SLFN12L: variants seen among roughly 807,000 people sequenced by gnomAD.
SLFN12L encodes schlafen family member 12 like.
A neutral mutation model predicts 34.8 loss-of-function variants in SLFN12L; 34 were observed. That is an observed-to-expected ratio of 0.98 (90% confidence interval 0.74 to 1.30). The LOEUF is 1.30. Ranked by LOEUF, SLFN12L falls within the 50% of genes most tolerant of loss-of-function variation. The pLI, the probability that SLFN12L is intolerant of heterozygous loss-of-function variation, is 0.00. For missense variants in SLFN12L, 703 were observed against 696.2 expected (o/e 1.01, Z -0.11); for synonymous variants, 259 against 247.5 (o/e 1.05, Z -0.44).
At chr17:35,495,265 C>G (rs1345221805) in intron 2 of SLFN12L, among the ~76,000 whole-genome samples, 1 of 152,066 alleles carries the variant, frequency 6.6e-6, no homozygotes, top group Non-Finnish European at 1.5e-5. Flanking sequence ...TGTTTGGTGT[C>G]CCCTTCAATT....
intron 2 of SLFN12L, among the ~76,000 whole-genome samples, chr17:35,503,931 C>A (rs1412228170): frequency 6.6e-6 from 1 of 152,068 alleles, no homozygotes; most frequent in African/African-American, 2.4e-5. Context: ...AAGAAAGCAC[C>A]ACCCCCTCCA....
chr17:35,487,473 C>A (rs922076987), intron 2 of SLFN12L, among the ~76,000 whole-genome samples: 3 of 151,990 alleles, frequency 2.0e-5, no homozygotes, highest in African/African-American at 4.8e-5. Flanking sequence ...CACGGACCAC[C>A]CCCCCCGGAC....
chr17:35,487,841 C>T (rs996716804), intron 2 of SLFN12L: 10 of 1,308,690 alleles, frequency 7.6e-6, no homozygotes, highest in Non-Finnish European at 8.5e-6. Context: ...GCATTTCTAT[C>T]GGGCACTCGA....
chr17:35,523,600 A>C (rs1256872184), intron 1 of SLFN12L, among the ~76,000 whole-genome samples: 2 of 152,198 alleles, frequency 1.3e-5, no homozygotes, highest in African/African-American at 4.8e-5. Flanking sequence ...CAAACAAGGA[A>C]CAATTACGTG....
At chr17:35,488,715 C>A (rs1914709225) in intron 2 of SLFN12L, among the ~76,000 whole-genome samples, 1 of 152,166 alleles carries the variant, frequency 6.6e-6, no homozygotes, top group South Asian at 2.1e-4. Context: ...TTGGAAGTCC[C>A]ATCTAGAATC....
At chr17:35,518,987 GCACGTACA>G in intron 2 of SLFN12L, among the ~76,000 whole-genome samples, 1 of 152,234 alleles carries the variant, frequency 6.6e-6, no homozygotes, top group South Asian at 2.1e-4. Context: ...AGAAAATGTG[GCACGTACA>G]CACTATGCAG....
chr17:35,525,074 G>A (rs954885109), intron 1 of SLFN12L, among the ~76,000 whole-genome samples: 1 of 151,874 alleles, frequency 6.6e-6, no homozygotes, highest in Non-Finnish European at 1.5e-5. Context: ...ACAAGTATCA[G>A]TAGCCAAATT....
intron 2 of SLFN12L, chr17:35,490,083 C>G: frequency 6.2e-7 from 1 of 1,607,010 alleles, no homozygotes; most frequent in South Asian, 1.1e-5. Context: ...GCCACCGGCC[C>G]CCTCCTCCCC....
rs1914187598 is a variant in SLFN12L at position 35,479,375 on chromosome 17, C to A, written c.907G>T (p.Glu303Ter). The A allele has an allele frequency of 6.2e-7, 1 of 1,602,480 alleles. No individual in the cohort carries two copies. The highest frequency in any genetic ancestry group is 1.3e-5 in the African/African-American group (1 of 74,596). The change falls in exon 3 of 5, where the codon GAA becomes TAA. Residue 303 changes from glutamate (E) to a stop codon, truncating the protein, a stop_gained. Transcript: ENST00000628453. LOFTEE classifies it high-confidence loss of function. ...KAEKSYLTKL[E>*]EVTKNSIGKL... ...CCAATGGAATTTTTTGTTACTTCTT[C>A]TAACTTAGTAAGATAACTCTTCTCT...
chr17:35,529,010 A>C lies in SLFN12L; in HGVS notation c.-605-6041T>G, dbSNP rs2072365059. Among the ~76,000 whole-genome samples, 3 of 152,192 alleles carry C rather than the reference A, an allele frequency of 2.0e-5. No individual in the cohort carries two copies. The South Asian group carries it at 6.2e-4, about 31-fold the overall frequency. On this transcript the variant is annotated intron_variant, in intron 1 of 4. Coordinates refer to ENST00000628453, the MANE Select transcript of SLFN12L (RefSeq NM_001363830.2). Reference sequence around the variant, plus strand: ...ACAAATTCACAAGAAAAAAACAAACAACCCCATCAAAAAGTGGGCAAAGGA... The same window carrying C: ...ACAAATTCACAAGAAAAAAACAAACCACCCCATCAAAAAGTGGGCAAAGGA...
Position 35,469,792 on chromosome 17 carries a change from A to G in SLFN12L, c.*5131T>C, listed in dbSNP as rs1913776062. 1.3e-5 allele frequency among the ~76,000 whole-genome samples: 2 copies of G among 152,144 alleles called. No homozygotes were observed. Among genetic ancestry groups the G allele is most frequent in the Admixed American group, 6.6e-5 (1 of 15,266 alleles). On this transcript the variant is annotated 3_prime_UTR_variant, in exon 5 of 5. Coordinates refer to ENST00000628453, the MANE Select transcript of SLFN12L (RefSeq NM_001363830.2). ...AGCCAATATTTTCCCTACCCTACAT[A>G]AACCCAGGGCCATGTAACAGACAAC...
chr17:35,499,302 T>G, intron 2 of SLFN12L: 1 of 658,192 alleles, frequency 1.5e-6, no homozygotes, highest in South Asian at 1.9e-5. Flanking sequence ...AAAGCCAGAC[T>G]AATGCCATGT....
intron 2 of SLFN12L, among the ~76,000 whole-genome samples, chr17:35,508,071 C>A (rs1232810485): frequency 6.6e-6 from 1 of 152,208 alleles, no homozygotes; most frequent in East Asian, 1.9e-4. Context: ...GTTACGTTAT[C>A]TATAGATTCC....
chr17:35,508,259 A>G (rs1156482973), intron 2 of SLFN12L, among the ~76,000 whole-genome samples: 2 of 152,134 alleles, frequency 1.3e-5, no homozygotes, highest in Non-Finnish European at 2.9e-5. Context: ...TCACTCGGGG[A>G]GCTCAGTTTT....
At chr17:35,520,334 T>C (rs1318378356) in intron 2 of SLFN12L, among the ~76,000 whole-genome samples, 1 of 152,254 alleles carries the variant, frequency 6.6e-6, no homozygotes, top group East Asian at 1.9e-4. Flanking sequence ...CTGGCTGGTT[T>C]CGATTCTGAG....
At position 35,467,589 on chromosome 17, in the gene SLFN12L, A is replaced by C. The variant is rs1416673265; in HGVS notation, c.*7334T>G. On this transcript the variant is annotated 3_prime_UTR_variant, in exon 5 of 5. Coordinates refer to ENST00000628453, the MANE Select transcript of SLFN12L (RefSeq NM_001363830.2). ...GAGAGACATAAGAGTCTCCCCAAACAACTTCTTTTAAAGTTCCAGTCCAAC... is the reference window on the plus strand; with the variant it reads ...GAGAGACATAAGAGTCTCCCCAAACCACTTCTTTTAAAGTTCCAGTCCAAC... Among the ~76,000 whole-genome samples, 1 of 152,182 alleles carries C rather than the reference A, an allele frequency of 6.6e-6. No homozygotes were observed. Among genetic ancestry groups the C allele is most frequent in the African/African-American group, 2.4e-5 (1 of 41,448 alleles).
chr17:35,506,148 T>A lies in SLFN12L; in HGVS notation c.86+16131A>T, dbSNP rs11870756. On this transcript the variant is annotated intron_variant, in intron 2 of 4. Transcript: ENST00000628453. ...CTGAGGACTGGTGGGGGCTCATAAATGATATGAGTAAAGTGTTAGCCAAAA... is the reference window on the plus strand; with the variant it reads ...CTGAGGACTGGTGGGGGCTCATAAAAGATATGAGTAAAGTGTTAGCCAAAA... Among the ~76,000 whole-genome samples the A allele has an allele frequency of 2.6e-3, 398 of 151,976 alleles. 3 individuals are homozygous for A. The highest frequency in any genetic ancestry group is 9.1e-3 in the African/African-American group (376 of 41,462).
At chr17:35,490,200 G>A in intron 2 of SLFN12L, 6 of 1,595,680 alleles carry the variant, frequency 3.8e-6, no homozygotes, top group Middle Eastern at 1.8e-4. Context: ...GGACGAGGCG[G>A]CAGTGGCCCT....
At chr17:35,510,288 C>T (rs2142157857) in intron 2 of SLFN12L, 1 of 152,312 alleles carries the variant, frequency 6.6e-6, no homozygotes, top group African/African-American at 2.4e-5. Flanking sequence ...TATGTGCACA[C>T]AGGCACTTGT....
Sources: gnomAD v4.1 joint callset for allele counts (sites outside exome capture counted in the v4.1 genomes callset) on GRCh38, gnomAD v4.1.1 for gene constraint, MANE v1.5 for transcripts, NCBI Gene and HGNC (gene_info 2026-07-23, HGNC 2026-07-21) for gene names.